The following FDFT1 variants were observed in gnomAD, a reference collection of about 807,000 sequenced individuals.
The protein encoded by FDFT1 is farnesyl-diphosphate farnesyltransferase 1.
Under a neutral mutation model 46.8 loss-of-function variants are expected in FDFT1, and 68 were observed. That is an observed-to-expected ratio of 1.45 (90% CI 1.19 to 1.78). FDFT1 has a LOEUF of 1.78. Ranked by LOEUF, FDFT1 falls within the 40% of genes most tolerant of loss-of-function variation. The pLI, the probability that FDFT1 is intolerant of heterozygous loss-of-function variation, is 0.00. For missense variants in FDFT1, 928 were observed against 524.4 expected, an observed-to-expected ratio of 1.77 and a Z score of -7.52; for synonymous variants, 351 against 185.1, an observed-to-expected ratio of 1.90 and a Z score of -7.28.
intron 7 of FDFT1, among the ~76,000 whole-genome samples, chr8:11,837,643 G>A (rs1238287600): frequency 6.6e-6 from 1 of 152,112 alleles, no homozygotes; most frequent in African/African-American, 2.4e-5. Context: ...ACAGAGCTCA[G>A]GCTTTTTTTC....
chr8:11,815,761 G>C (rs1389460031), intron 3 of FDFT1, among the ~76,000 whole-genome samples: 1 of 152,044 alleles, frequency 6.6e-6, no homozygotes. Context: ...TGTAGATTCT[G>C]GATACTACCC....
rs1000409022 is a variant in FDFT1 at position 11,803,753 on chromosome 8, C to T, written c.99+822C>T. ...ACTCAGGCCGAGGCTTGATAGGTGC[C>T]TGAACATCGGAGTCTTTCTTTCAGT... On this transcript the variant is annotated intron_variant, in intron 1 of 7. Transcript: ENST00000220584. 1.6e-5 allele frequency: 3 copies of T among 191,230 alleles called. No individual in the cohort carries two copies. The South Asian group carries it at 2.5e-4, about 16-fold the overall frequency. 11.8% of individuals were successfully genotyped at this position (191,230 alleles called of 1,614,324 possible).
In FDFT1 at chr8:11,832,098, C is replaced by G. The variant is rs116321580; in HGVS notation, c.1032+428C>G. ...GGTACTTTCATTATGCCACAGGCCTCAATTGAAAAATCACAGTAGGGAATT... is the reference window on the plus strand; with the variant it reads ...GGTACTTTCATTATGCCACAGGCCTGAATTGAAAAATCACAGTAGGGAATT... On this transcript the variant is annotated intron_variant, in intron 7 of 7. Coordinates refer to ENST00000220584, the MANE Select transcript of FDFT1 (RefSeq NM_004462.5). 3.7e-3 allele frequency among the ~76,000 whole-genome samples: 562 copies of G among 152,170 alleles called. 5 individuals are homozygous for G. The highest frequency in any genetic ancestry group is 0.012 in the African/African-American group (511 of 41,526).
Position 11,825,686 on chromosome 8 carries a change from C to CAA in FDFT1, c.511-329_511-328dup, listed in dbSNP as rs5889388. Among the ~76,000 whole-genome samples, 197 of 144,628 alleles carry CAA rather than the reference C, an allele frequency of 1.4e-3. 2 individuals carry two copies. The highest frequency in any genetic ancestry group is 3.6e-3 in the Middle Eastern group (1 of 280). The allele number at this position is 144,628 out of a possible 152,430, so 94.9% of individuals were successfully genotyped here. On this transcript the variant is annotated intron_variant, in intron 4 of 7. Coordinates refer to ENST00000220584, the MANE Select transcript of FDFT1 (RefSeq NM_004462.5). ...TGGGCAAATATATGAGACTCCATCT[C>CAA]AAAAAAAAAATAAAAAATAAAAATA... is the stretch of plus-strand genomic sequence containing the variant.
chr8:11,807,315 T>C (rs1806985539), intron 1 of FDFT1, among the ~76,000 whole-genome samples: 1 of 144,146 alleles, frequency 6.9e-6, no homozygotes, highest in Admixed American at 7.1e-5. Flanking sequence ...CACACCTGGC[T>C]TTTTAAAAAA....
At chr8:11,800,826 C>G (rs994897016), upstream of FDFT1, among the ~76,000 whole-genome samples, 1 of 152,192 alleles carries the variant, frequency 6.6e-6, no homozygotes, top group African/African-American at 2.4e-5. Context: ...GGAACCTCTA[C>G]TTTACTTTTT....
intron 1 of FDFT1, chr8:11,803,189 C>A (rs1235632153): frequency 1.2e-5 from 17 of 1,404,790 alleles, no homozygotes; most frequent in African/African-American, 2.9e-5. Flanking sequence ...GGTTGCGCTC[C>A]CCGTTTCGTC....
intron 5 of FDFT1, among the ~76,000 whole-genome samples, chr8:11,827,412 G>A (rs917013480): frequency 1.3e-5 from 2 of 151,942 alleles, no homozygotes; most frequent in Non-Finnish European, 2.9e-5. Flanking sequence ...TAGGTATTCG[G>A]GAGGCTAAGG....
chr8:11,834,589 C>CA (rs3837158), intron 7 of FDFT1, among the ~76,000 whole-genome samples: 5,182 of 152,268 alleles, frequency 0.034, 259 homozygotes, highest in East Asian at 0.28. Flanking sequence ...AGCCCCCACC[C>CA]AAACGTATCG....
At chr8:11,829,820 C>T (rs1320494192) in intron 5 of FDFT1, among the ~76,000 whole-genome samples, 4 of 151,342 alleles carry the variant, frequency 2.6e-5, no homozygotes, top group Non-Finnish European at 5.9e-5. Context: ...AGAGACTTTA[C>T]TGTATATCAT....
At chr8:11,799,213 C>T (rs990781800), upstream of FDFT1, among the ~76,000 whole-genome samples, 2 of 152,186 alleles carry the variant, frequency 1.3e-5, no homozygotes, top group African/African-American at 4.8e-5. Context: ...TGTAAACTGG[C>T]CAGACCAGTC....
At chr8:11,814,185 A>ACC (rs1808123048) in intron 3 of FDFT1, among the ~76,000 whole-genome samples, 1 of 152,208 alleles carries the variant, frequency 6.6e-6, no homozygotes, top group Non-Finnish European at 1.5e-5. Context: ...CTCTTGTAGA[A>ACC]TCACTGGTTT....
chr8:11,835,971 TAAAAAAAAA>T (rs755611965), intron 7 of FDFT1, among the ~76,000 whole-genome samples: 19,905 of 65,004 alleles, frequency 0.31, 2,081 homozygotes, highest in Middle Eastern at 0.43. Flanking sequence ...CTGTCTCTAC[TAAAAAAAAA>T]AAAAAAAAAA....
rs1282849278 is a variant in FDFT1 at position 11,838,781 on chromosome 8, A to C, written c.*172A>C. The C allele has an allele frequency of 1.6e-6, 1 of 624,118 alleles. No individual in the cohort carries two copies. The highest frequency in any genetic ancestry group is 2.8e-6 in the Non-Finnish European group (1 of 352,756). 38.7% of individuals were successfully genotyped at this position (624,118 alleles called of 1,614,324 possible). ...TGCAGGTGAGAAGAACCTAAACATG[A>C]AAGGAAAGGGTGCCTCATCCCAGCA... On this transcript the variant is annotated 3_prime_UTR_variant, in exon 8 of 8. Coordinates refer to ENST00000220584, the MANE Select transcript of FDFT1 (RefSeq NM_004462.5).
chr8:11,825,990 A>T, intron 4 of FDFT1, 34 bp from the exon 5 acceptor site: 1 of 1,466,598 alleles, frequency 6.8e-7, no homozygotes, highest in South Asian at 1.4e-5. Context: ...TAAAAATTCC[A>T]TTATTAAAGT....
At chr8:11,796,457 G>C (rs1023200807) in intron 1 of FDFT1, among the ~76,000 whole-genome samples, 2 of 152,228 alleles carry the variant, frequency 1.3e-5, no homozygotes, top group South Asian at 2.1e-4. Flanking sequence ...GTCTGTGAAA[G>C]TAAAGATCAG....
At chr8:11,816,495 C>A (rs907564213) in intron 3 of FDFT1, among the ~76,000 whole-genome samples, 6 of 152,306 alleles carry the variant, frequency 3.9e-5, no homozygotes, top group African/African-American at 1.2e-4. Context: ...TCTTCCTATC[C>A]ATGAGCATGG....
chr8:11,808,732 AC>A, intron 1 of FDFT1, 61 bp from the exon 2 acceptor site: 1 of 1,559,986 alleles, frequency 6.4e-7, no homozygotes. Context: ...TCCCACTCCC[AC>A]TCCCACTCCC....
intron 3 of FDFT1, 164 bp downstream of exon 3, chr8:11,810,014 G>A (rs752114527): frequency 3.6e-6 from 2 of 552,524 alleles, no homozygotes; most frequent in South Asian, 2.7e-5. Flanking sequence ...AAGCCAGGCT[G>A]CCTGGGTTGG....
Sources: gnomAD v4.1 joint callset for allele counts (sites outside exome capture counted in the v4.1 genomes callset) on GRCh38, gnomAD v4.1.1 for gene constraint, MANE v1.5 for transcripts, NCBI Gene and HGNC (gene_info 2026-07-23, HGNC 2026-07-21) for gene names.